EFCAB6: variants seen among roughly 807,000 people sequenced by gnomAD.
EFCAB6 encodes the protein EF-hand calcium-binding domain-containing protein 6.
In EFCAB6, 156 loss-of-function variants were observed where a neutral mutation model predicts 169.8. The ratio of observed to expected loss-of-function variants is 0.92; its 90% CI spans 0.81 to 1.05. The LOEUF (loss-of-function observed/expected upper bound fraction) is 1.05. EFCAB6 is among the 50% of genes least tolerant of loss of function. The pLI is 0.00. For synonymous variants in EFCAB6, 698 were observed against 676.4 expected (o/e 1.03, Z -0.50); for missense variants, 1,800 against 1,829.1 (o/e 0.98, Z 0.29).
intron 5 of EFCAB6, among the ~76,000 whole-genome samples, chr22:43,760,655 A>ATTT (rs71188411): frequency 0.077 from 10,761 of 138,860 alleles, 608 homozygotes; most frequent in South Asian, 0.2. Flanking sequence ...GAGTAGGTGC[A>ATTT]TTTTTTTTTT....
chr22:43,716,697 ATT>A, intron 9 of EFCAB6, 149 bp downstream of exon 9: 1 of 802,036 alleles, frequency 1.2e-6, no homozygotes, highest in African/African-American at 1.8e-5. Flanking sequence ...TATTGCTGTT[ATT>A]GGGAGGTAGA....
chr22:43,709,254 G>A (rs1199787351), intron 10 of EFCAB6, among the ~76,000 whole-genome samples: 1 of 152,012 alleles, frequency 6.6e-6, no homozygotes, highest in Non-Finnish European at 1.5e-5. Context: ...GCTAATTTTT[G>A]CACTTTTAGT....
chr22:43,528,865 T>C lies in EFCAB6; in HGVS notation c.4494A>G (p.Ala1498=), dbSNP rs2046891245. ...SKISYNDFLR[A]FLQ Reference sequence around the variant, plus strand: ...ACAGCAGGGGTGTCTACTGGAGGAATGCCCGGAGGAAGTCGTTGTAGGAGA... The same window carrying C: ...ACAGCAGGGGTGTCTACTGGAGGAACGCCCGGAGGAAGTCGTTGTAGGAGA... Residue 1498 remains alanine (A), a synonymous_variant, in exon 32 of 32, where the codon GCA becomes GCG. Coordinates refer to ENST00000262726, the MANE Select transcript of EFCAB6 (RefSeq NM_022785.4). 1 of 1,609,746 alleles carries C rather than the reference T, an allele frequency of 6.2e-7. No individual in the cohort carries two copies. The highest frequency in any genetic ancestry group is 8.5e-7 in the Non-Finnish European group (1 of 1,176,484).
intron 29 of EFCAB6, chr22:43,535,108 G>T: frequency 2.0e-6 from 1 of 509,292 alleles, no homozygotes; most frequent in Non-Finnish European, 3.5e-6. Flanking sequence ...GGTTTGCATG[G>T]TCACAGCTTA....
At chr22:43,591,111 GTTTTTTT>G (rs67053426) in intron 23 of EFCAB6, among the ~76,000 whole-genome samples, 7 of 131,130 alleles carry the variant, frequency 5.3e-5, no homozygotes, top group African/African-American at 8.2e-5. Context: ...TTTGTTTTTT[GTTTTTTT>G]TTTTTGTTTT....
At chr22:43,561,579 G>A (rs989456690) in intron 26 of EFCAB6, among the ~76,000 whole-genome samples, 1 of 152,044 alleles carries the variant, frequency 6.6e-6, no homozygotes, top group Admixed American at 6.5e-5. Flanking sequence ...GTGGGAGAGC[G>A]CCTGGGTTTT....
At chr22:43,560,580 C>T (rs1485511851) in intron 26 of EFCAB6, among the ~76,000 whole-genome samples, 1 of 152,220 alleles carries the variant, frequency 6.6e-6, no homozygotes, top group Non-Finnish European at 1.5e-5. Context: ...ATGCAACTGG[C>T]TGGGACATGG....
chr22:43,581,394 C>T (rs1421058488), intron 24 of EFCAB6, among the ~76,000 whole-genome samples: 1 of 149,568 alleles, frequency 6.7e-6, no homozygotes, highest in Non-Finnish European at 1.5e-5. Context: ...CCACCTGCAT[C>T]GATGGCTCAG....
intron 31 of EFCAB6, 145 bp downstream of exon 31, chr22:43,530,670 G>A (rs976682500): frequency 2.7e-6 from 4 of 1,486,684 alleles, no homozygotes; most frequent in Non-Finnish European, 2.7e-6. Context: ...TGGATAACTT[G>A]GGGGTCCCAG....
chr22:43,707,930 G>A (rs2059013684), intron 10 of EFCAB6, among the ~76,000 whole-genome samples: 1 of 152,028 alleles, frequency 6.6e-6, no homozygotes, highest in Non-Finnish European at 1.5e-5. Context: ...AAAATGGAAG[G>A]TGAAGGCGCT....
chr22:43,672,340 C>T, intron 13 of EFCAB6, 35 bp from the exon 14 acceptor site: 2 of 1,608,678 alleles, frequency 1.2e-6, no homozygotes, highest in Non-Finnish European at 1.7e-6. Context: ...AAATAAATAC[C>T]ACTCATGAAA....
rs757151610 is a variant in EFCAB6, at chr22:43,809,124, G to A, written c.-137C>T. The A allele has an allele frequency of 3.3e-5, 5 of 152,134 alleles. No homozygotes were observed. Among genetic ancestry groups the A allele is most frequent in the Admixed American group, 6.5e-5 (1 of 15,276 alleles). The allele number at this position is 152,134 out of a possible 1,614,324, so 9.4% of individuals were successfully genotyped here. A position where few individuals can be genotyped will look rare whatever the true frequency, so the allele number is the denominator to read the frequency against. On this transcript the variant is annotated 5_prime_UTR_variant, in exon 2 of 32. Coordinates refer to ENST00000262726, the MANE Select transcript of EFCAB6 (RefSeq NM_022785.4). ...AATCTAGGCCCTTCCAATCCTCTGC[G>A]ATGAGCCCTGTGAGAAATTTATTTT...
chr22:43,634,535 CTG>C (rs1569289495), intron 18 of EFCAB6, among the ~76,000 whole-genome samples: 1 of 152,154 alleles, frequency 6.6e-6, no homozygotes, highest in African/African-American at 2.4e-5. Context: ...ATTGAGATAT[CTG>C]TGTGATTTCT....
At chr22:43,564,875 T>C (rs2049323543) in intron 26 of EFCAB6, among the ~76,000 whole-genome samples, 1 of 152,130 alleles carries the variant, frequency 6.6e-6, no homozygotes, top group Non-Finnish European at 1.5e-5. Context: ...CAGAACTTCA[T>C]AGAAGGGGGT....
At chr22:43,657,993 C>T (rs1221141306) in intron 17 of EFCAB6, among the ~76,000 whole-genome samples, 2 of 152,166 alleles carry the variant, frequency 1.3e-5, no homozygotes, top group Admixed American at 6.5e-5. Context: ...CTTTGGGAGG[C>T]TGAGGCCGGT....
At chr22:43,713,222 T>C (rs1368314091) in intron 9 of EFCAB6, among the ~76,000 whole-genome samples, 1 of 152,198 alleles carries the variant, frequency 6.6e-6, no homozygotes, top group Non-Finnish European at 1.5e-5. Context: ...TGATATAAGG[T>C]AACGTGATCT....
chr22:43,636,274 T>C (rs570180767), intron 17 of EFCAB6, among the ~76,000 whole-genome samples: 9 of 152,254 alleles, frequency 5.9e-5, no homozygotes, highest in South Asian at 2.1e-4. Flanking sequence ...CCAGAGTAAG[T>C]TCCAGGTGGT....
chr22:43,711,612 A>C lies in EFCAB6; in HGVS notation c.894T>G (p.Ser298=), dbSNP rs765183486. The change falls in exon 10 of 32, where the codon TCT becomes TCG. Residue 298 remains serine, a synonymous_variant. Coordinates refer to ENST00000262726, the MANE Select transcript of EFCAB6 (RefSeq NM_022785.4). The part of the protein sequence containing the change: ...ERNFCLQLSK[S]YEKVEKALSA... ...TGAGGGCCTTTTCAACCTTTTCATA[A>C]GACTTCGAAAGCTGCAATAAATTGA... 135 of 1,580,908 alleles carry C rather than the reference A, an allele frequency of 8.5e-5. 1 individual carries two copies. In the South Asian group the frequency reaches 1.3e-3, roughly 16 times the overall value.
At chr22:43,703,865 A>G (rs1158508207) in intron 10 of EFCAB6, among the ~76,000 whole-genome samples, 1 of 152,106 alleles carries the variant, frequency 6.6e-6, no homozygotes, top group African/African-American at 2.4e-5. Context: ...AACCTATGGG[A>G]ATTATGGGAC....
Sources: gnomAD v4.1 joint callset for allele counts (sites outside exome capture counted in the v4.1 genomes callset) on GRCh38, gnomAD v4.1.1 for gene constraint, MANE v1.5 for transcripts, NCBI Gene and HGNC (gene_info 2026-07-23, HGNC 2026-07-21) for gene names.